The following CFAP47 variants were observed in gnomAD, a reference collection of about 807,000 sequenced individuals.
CFAP47 encodes the protein cilia- and flagella-associated protein 47.
In CFAP47, 29 loss-of-function variants were observed where a neutral mutation model predicts 148.1. The ratio of observed to expected loss-of-function variants is 0.20; its 90% CI spans 0.15 to 0.27. The LOEUF (loss-of-function observed/expected upper bound fraction) is 0.27, where lower values mean the gene tolerates loss of function less well. Ranked by LOEUF, CFAP47 falls within the 10% of genes least tolerant of loss-of-function variation. The probability of loss-of-function intolerance (pLI) is 1.00; values close to 1 mark genes in which losing one functional copy is unlikely to be tolerated. For synonymous variants in CFAP47, 664 were observed against 577.3 expected (o/e 1.15, Z -2.15); for missense variants, 1,872 against 1,697.5 (o/e 1.10, Z -1.81).
At chrX:36,371,621 A>ATATATGTGTATATACACACATATGTGT (rs1491164239) in intron 62 of CFAP47, among the ~76,000 whole-genome samples, 1 of 79,677 alleles carries the variant, frequency 1.3e-5, no homozygotes, top group Admixed American at 1.4e-4. Flanking sequence ...ATATATGTGT[A>ATATATGTGTATATACACACATATGTGT]ATATATGTGT....
chrX:35,966,457 A>C, intron 8 of CFAP47, 108 bp from the exon 9 acceptor site: 1 of 406,402 alleles, frequency 2.5e-6, no homozygotes, highest in Non-Finnish European at 3.7e-6. Flanking sequence ...TATTACCATT[A>C]TGAGCTAGCT....
intron 33 of CFAP47, among the ~76,000 whole-genome samples, chrX:36,133,095 T>C (rs1272176394): frequency 6.3e-5 from 7 of 111,150 alleles, no homozygotes; most frequent in African/African-American, 2.3e-4. Flanking sequence ...TGAGTTAGGG[T>C]GATTGGCGTA....
intron 48 of CFAP47, among the ~76,000 whole-genome samples, chrX:36,242,488 A>G (rs1321888651): frequency 8.9e-6 from 1 of 112,093 alleles, no homozygotes; most frequent in Non-Finnish European, 1.9e-5. Flanking sequence ...AAAAAACCAA[A>G]CTGAACGTCT....
chrX:36,199,769 G>A (rs1939958046), intron 42 of CFAP47, among the ~76,000 whole-genome samples: 2 of 111,540 alleles, frequency 1.8e-5, no homozygotes, highest in African/African-American at 6.5e-5. Flanking sequence ...CACATATCAA[G>A]TGGCCTCAAG....
At chrX:35,954,683 T>G (rs1277513327) in intron 7 of CFAP47, among the ~76,000 whole-genome samples, 1 of 112,144 alleles carries the variant, frequency 8.9e-6, no homozygotes, top group Non-Finnish European at 1.9e-5. Context: ...TTTCTTTGGT[T>G]CTAGTTACAC....
chrX:36,036,782 A>C (rs1200152517), intron 24 of CFAP47, among the ~76,000 whole-genome samples: 1 of 111,790 alleles, frequency 8.9e-6, no homozygotes, highest in Non-Finnish European at 1.9e-5. Context: ...AATCTATTAT[A>C]GCTTTAAAGC....
intron 15 of CFAP47, among the ~76,000 whole-genome samples, chrX:35,976,421 A>T (rs905328790): frequency 8.9e-6 from 1 of 112,008 alleles, no homozygotes; most frequent in Non-Finnish European, 1.9e-5. Context: ...ACTGATTGTG[A>T]TAATTATTAT....
intron 39 of CFAP47, among the ~76,000 whole-genome samples, chrX:36,173,347 G>C (rs1284056577): frequency 9.0e-6 from 1 of 111,319 alleles, no homozygotes; most frequent in Non-Finnish European, 1.9e-5. Flanking sequence ...GCTAGCTTTT[G>C]GATGTGTTTG....
chrX:35,960,867 T>C (rs1010936334), intron 8 of CFAP47, among the ~76,000 whole-genome samples: 2 of 111,594 alleles, frequency 1.8e-5, no homozygotes, highest in African/African-American at 3.2e-5. Context: ...TTTTCTTACC[T>C]ACTTGTCCTA....
At chrX:36,096,368 A>G (rs1938276750) in intron 30 of CFAP47, among the ~76,000 whole-genome samples, 1 of 111,271 alleles carries the variant, frequency 9.0e-6, no homozygotes, top group South Asian at 3.7e-4. Flanking sequence ...TAGATCCATT[A>G]GGTCTATAGT....
intron 43 of CFAP47, among the ~76,000 whole-genome samples, chrX:36,200,888 A>T (rs1555987959): frequency 9.0e-6 from 1 of 111,465 alleles, no homozygotes; most frequent in African/African-American, 3.3e-5. Flanking sequence ...TAAGCATTAA[A>T]ATGTTGTCAG....
intron 1 of CFAP47, among the ~76,000 whole-genome samples, chrX:35,924,006 TGTAA>T (rs1274942276): frequency 3.9e-5 from 4 of 102,254 alleles, no homozygotes; most frequent in African/African-American, 1.5e-4. Flanking sequence ...TGTGTATATG[TGTAA>T]ATATATATGC....
intron 43 of CFAP47, among the ~76,000 whole-genome samples, 166 bp downstream of exon 43, chrX:36,200,659 A>G (rs1939970329): frequency 8.9e-6 from 1 of 111,748 alleles, no homozygotes; most frequent in African/African-American, 3.2e-5. Context: ...GAGCAGCACC[A>G]TTTTACCAAT....
intron 15 of CFAP47, among the ~76,000 whole-genome samples, chrX:35,980,483 C>T (rs1227833610): frequency 9.0e-6 from 1 of 111,718 alleles, no homozygotes; most frequent in Non-Finnish European, 1.9e-5. Context: ...TGTTCCGTAA[C>T]CTGACTTTTA....
At chrX:35,974,129 A>G (rs1936534928) in intron 13 of CFAP47, among the ~76,000 whole-genome samples, 2 of 111,731 alleles carry the variant, frequency 1.8e-5, no homozygotes, top group South Asian at 3.8e-4. Flanking sequence ...GGTTAAGTAG[A>G]TCGAGAATAA....
At chrX:36,111,705 C>G (rs913294594) in intron 33 of CFAP47, among the ~76,000 whole-genome samples, 2 of 111,444 alleles carry the variant, frequency 1.8e-5, no homozygotes, top group East Asian at 5.7e-4. Flanking sequence ...ATTCATACAT[C>G]TGGTAGAATT....
chrX:36,202,618 C>G (rs191293396), intron 44 of CFAP47, among the ~76,000 whole-genome samples: 1 of 111,707 alleles, frequency 9.0e-6, no homozygotes, highest in East Asian at 2.8e-4. Flanking sequence ...TGTCTCACGC[C>G]TGTAATCCCA....
intron 46 of CFAP47, 61 bp from the exon 47 acceptor site, chrX:36,235,873 A>G: frequency 7.3e-6 from 3 of 410,438 alleles, no homozygotes; most frequent in Non-Finnish European, 1.3e-5. Context: ...AAGAATTCAT[A>G]TGTAATTCAA....
chrX:36,079,631 T>G (rs1474468357), intron 29 of CFAP47, among the ~76,000 whole-genome samples: 2 of 111,584 alleles, frequency 1.8e-5, no homozygotes, highest in East Asian at 5.7e-4. Flanking sequence ...AACATCCTCC[T>G]TTAGCTCGGA....
Sources: gnomAD v4.1 joint callset for allele counts (sites outside exome capture counted in the v4.1 genomes callset) on GRCh38, gnomAD v4.1.1 for gene constraint, MANE v1.5 for transcripts, NCBI Gene and HGNC (gene_info 2026-07-23, HGNC 2026-07-21) for gene names.